TMC2: variants seen among roughly 807,000 people sequenced by gnomAD.
The protein encoded by TMC2 is transmembrane channel like 2, also known as transmembrane channel-like protein 2.
A neutral mutation model predicts 105.9 loss-of-function variants in TMC2; 102 were observed. The ratio of observed to expected loss-of-function variants is 0.96; its 90% CI spans 0.82 to 1.14. The LOEUF (loss-of-function observed/expected upper bound fraction) is 1.14, where lower values mean the gene tolerates loss of function less well. Among genes scored for constraint, TMC2 ranks in the 50% most tolerant of loss-of-function variants. The probability of loss-of-function intolerance (pLI) is 0.00; values close to 1 mark genes in which losing one functional copy is unlikely to be tolerated. For missense variants in TMC2, 1,093 were observed against 1,134.3 expected (o/e 0.96, Z 0.52); for synonymous variants, 402 against 422.8 (o/e 0.95, Z 0.60).
At chr20:2,595,243 T>C (rs773671959) in intron 9 of TMC2, among the ~76,000 whole-genome samples, 1 of 152,196 alleles carries the variant, frequency 6.6e-6, no homozygotes, top group Non-Finnish European at 1.5e-5. Flanking sequence ...AAGAAGAGCA[T>C]GTGCAAAGGC....
At chr20:2,639,921 C>G (rs1316609388) in intron 19 of TMC2, among the ~76,000 whole-genome samples, 1 of 152,184 alleles carries the variant, frequency 6.6e-6, no homozygotes, top group Admixed American at 6.5e-5. Flanking sequence ...TGCACGCAGA[C>G]ACTTTAGCCT....
intron 10 of TMC2, among the ~76,000 whole-genome samples, chr20:2,601,696 C>T (rs2086352640): frequency 6.6e-6 from 1 of 152,026 alleles, no homozygotes; most frequent in African/African-American, 2.4e-5. Context: ...TAAAATTAGC[C>T]AGGCGTGGTG....
At chr20:2,549,252 C>T (rs1027564063) in intron 2 of TMC2, among the ~76,000 whole-genome samples, 16 of 152,124 alleles carry the variant, frequency 1.1e-4, no homozygotes, top group African/African-American at 3.9e-4. Flanking sequence ...GCCAGGATCT[C>T]GCTGTGTTGC....
chr20:2,638,576 T>C (rs2086666551), intron 19 of TMC2, among the ~76,000 whole-genome samples: 2 of 152,174 alleles, frequency 1.3e-5, no homozygotes, highest in Non-Finnish European at 2.9e-5. Context: ...TCACAGGAGA[T>C]GACAGCTCCA....
At chr20:2,611,151 C>T (rs2086435225) in intron 12 of TMC2, among the ~76,000 whole-genome samples, 1 of 152,184 alleles carries the variant, frequency 6.6e-6, no homozygotes, top group Admixed American at 6.5e-5. Flanking sequence ...GCTCCAGATC[C>T]CTCCCTGGGG....
At chr20:2,586,734 G>A (rs1439111645) in intron 7 of TMC2, among the ~76,000 whole-genome samples, 6 of 152,096 alleles carry the variant, frequency 3.9e-5, no homozygotes, top group African/African-American at 1.4e-4. Flanking sequence ...TGTCCCACCA[G>A]GCCCCACCTC....
chr20:2,565,792 C>T (rs1342801662), intron 4 of TMC2, among the ~76,000 whole-genome samples: 1 of 152,110 alleles, frequency 6.6e-6, no homozygotes, highest in Non-Finnish European at 1.5e-5. Context: ...ATAATCCCAG[C>T]ACTTTGGGAG....
rs368836312 is a variant in TMC2 at position 2,570,448 on chromosome 20, C to T, written c.555-1731C>T. 2.6e-5 allele frequency among the ~76,000 whole-genome samples: 4 copies of T among 151,912 alleles called. No individual in the cohort carries two copies. In the East Asian group the frequency reaches 5.8e-4, roughly 22 times the overall value. On this transcript the variant is annotated intron_variant, in intron 4 of 19. Coordinates refer to ENST00000358864, the MANE Select transcript of TMC2 (RefSeq NM_080751.3). Reference sequence around the variant, plus strand: ...ATAAAATACCTTGGAATTCATCTAACCAAGGAGGTGAAAGATCTCTACAAG... The same window carrying T: ...ATAAAATACCTTGGAATTCATCTAATCAAGGAGGTGAAAGATCTCTACAAG...
chr20:2,609,084 A>AT (rs2086415440), intron 11 of TMC2, among the ~76,000 whole-genome samples: 1 of 152,246 alleles, frequency 6.6e-6, no homozygotes. Context: ...TTTCACATAA[A>AT]TATCTGAGGA....
At chr20:2,546,933 T>A (rs953506561) in intron 2 of TMC2, among the ~76,000 whole-genome samples, 4 of 152,170 alleles carry the variant, frequency 2.6e-5, no homozygotes, top group Non-Finnish European at 4.4e-5. Flanking sequence ...TTGGTCAAAA[T>A]GTCTATAATG....
intron 12 of TMC2, among the ~76,000 whole-genome samples, chr20:2,611,414 C>T (rs1241025485): frequency 6.6e-6 from 1 of 152,174 alleles, no homozygotes; most frequent in African/African-American, 2.4e-5. Flanking sequence ...TCCCTCCTAC[C>T]CAGGAGACTG....
At chr20:2,553,350 T>C (rs2085967995) in intron 2 of TMC2, among the ~76,000 whole-genome samples, 1 of 152,262 alleles carries the variant, frequency 6.6e-6, no homozygotes, top group African/African-American at 2.4e-5. Context: ...GATATGATCC[T>C]GTGATTGTTT....
intron 2 of TMC2, among the ~76,000 whole-genome samples, chr20:2,552,609 G>T (rs1214648294): frequency 6.6e-6 from 1 of 152,086 alleles, no homozygotes; most frequent in Non-Finnish European, 1.5e-5. Context: ...TCCACCTCAC[G>T]AGTTCAAGGG....
intron 2 of TMC2, among the ~76,000 whole-genome samples, chr20:2,551,324 GA>G (rs2085955415): frequency 6.7e-6 from 1 of 149,776 alleles, no homozygotes; most frequent in Non-Finnish European, 1.5e-5. Context: ...TCTTATTCTT[GA>G]GTTTTCATGT....
In TMC2 at chr20:2,641,398, A is replaced by G. The variant is rs764798101; in HGVS notation, c.*47A>G. On this transcript the variant is annotated 3_prime_UTR_variant, in exon 20 of 20. Transcript: ENST00000358864. ...TCGACCCTAGGGCTGATCCTCAAGT[A>G]CCCCAGTTTCACACATACCAAACCA... 1 of 1,299,222 alleles carries G rather than the reference A, an allele frequency of 7.7e-7. No homozygotes were observed. The highest frequency in any genetic ancestry group is 1.1e-6 in the Non-Finnish European group (1 of 912,406). The allele number at this position is 1,299,222 out of a possible 1,614,324, so 80.5% of individuals were successfully genotyped here.
At chr20:2,603,209 C>T (rs1395509173) in intron 11 of TMC2, among the ~76,000 whole-genome samples, 1 of 150,868 alleles carries the variant, frequency 6.6e-6, no homozygotes. Flanking sequence ...AAGAACGACC[C>T]AGTTAAGCCC....
At chr20:2,603,524 AT>A (rs2086366823) in intron 11 of TMC2, among the ~76,000 whole-genome samples, 1 of 152,234 alleles carries the variant, frequency 6.6e-6, no homozygotes, top group Non-Finnish European at 1.5e-5. Context: ...GCTATTTATA[AT>A]TAACCCATCT....
intron 6 of TMC2, among the ~76,000 whole-genome samples, chr20:2,579,644 G>A (rs1239378486): frequency 4.0e-5 from 6 of 151,834 alleles, no homozygotes; most frequent in Admixed American, 6.6e-5. Flanking sequence ...GGCTGGTCTC[G>A]AACTCCTGAC....
At chr20:2,596,371 C>T (rs1048957127) in intron 9 of TMC2, among the ~76,000 whole-genome samples, 6 of 152,140 alleles carry the variant, frequency 3.9e-5, no homozygotes, top group Non-Finnish European at 7.4e-5. Context: ...GTGGCTCACA[C>T]CTGTAATCCC....
Sources: gnomAD v4.1 joint callset for allele counts (sites outside exome capture counted in the v4.1 genomes callset) on GRCh38, gnomAD v4.1.1 for gene constraint, MANE v1.5 for transcripts, NCBI Gene and HGNC (gene_info 2026-07-23, HGNC 2026-07-21) for gene names.